PCDHA6: variants seen among roughly 807,000 people sequenced by gnomAD.
PCDHA6 encodes protocadherin alpha-6.
PCDHA6 carries 55 observed loss-of-function variants against 60.3 expected under a neutral mutation model. The ratio of observed to expected loss-of-function variants is 0.91; its 90% CI spans 0.73 to 1.14. The LOEUF is 1.14. Among genes scored for constraint, PCDHA6 ranks in the 50% most tolerant of loss-of-function variants. The pLI, the probability that PCDHA6 is intolerant of heterozygous loss-of-function variation, is 0.00. For synonymous variants in PCDHA6, 652 were observed against 557.9 expected, an observed-to-expected ratio of 1.17 and a Z score of -2.38; for missense variants, 1,327 against 1,256.5, an observed-to-expected ratio of 1.06 and a Z score of -0.85.
At chr5:140,850,480 C>G in intron 1 of PCDHA6, 1 of 1,597,900 alleles carries the variant, frequency 6.3e-7, no homozygotes, top group Non-Finnish European at 8.6e-7. Flanking sequence ...CTGACGGCCA[C>G]GGCCACTGTG....
intron 3 of PCDHA6, among the ~76,000 whole-genome samples, chr5:140,986,055 T>C (rs2097185833): frequency 6.6e-6 from 1 of 152,164 alleles, no homozygotes; most frequent in African/African-American, 2.4e-5. Context: ...ATGAATTCTT[T>C]TGCTTTTTAA....
chr5:140,967,566 G>A, intron 1 of PCDHA6: 2 of 1,614,060 alleles, frequency 1.2e-6, no homozygotes, highest in South Asian at 2.2e-5. Context: ...GTCCAGCTAC[G>A]GGAGGACTCA....
intron 1 of PCDHA6, chr5:140,967,401 G>T (rs374310490): frequency 1.2e-6 from 2 of 1,611,944 alleles, no homozygotes; most frequent in Non-Finnish European, 1.7e-6. Flanking sequence ...CTGGTGCTGC[G>T]TAAGGGCCTA....
chr5:140,917,710 G>T (rs2078316558), intron 1 of PCDHA6, among the ~76,000 whole-genome samples: 3 of 152,132 alleles, frequency 2.0e-5, no homozygotes. Flanking sequence ...TTGTAGGTGT[G>T]CAGCTTTATT....
At chr5:141,002,589 TC>T (rs1157810975) in intron 3 of PCDHA6, among the ~76,000 whole-genome samples, 1 of 152,140 alleles carries the variant, frequency 6.6e-6, no homozygotes, top group African/African-American at 2.4e-5. Context: ...TAGTCCTTAG[TC>T]CCCTCATCTA....
intron 1 of PCDHA6, among the ~76,000 whole-genome samples, chr5:140,959,091 G>A (rs1257984257): frequency 3.3e-5 from 5 of 152,048 alleles, no homozygotes; most frequent in African/African-American, 1.2e-4. Context: ...CTTGGTTTCG[G>A]ACATTCAGCA....
At chr5:140,963,303 G>A (rs2153735006) in intron 1 of PCDHA6, among the ~76,000 whole-genome samples, 1 of 152,286 alleles carries the variant, frequency 6.6e-6, no homozygotes, top group South Asian at 2.1e-4. Flanking sequence ...GAGAAAATAA[G>A]AAGCTGTTTG....
chr5:140,884,158 G>A (rs376345503), intron 1 of PCDHA6: 8 of 1,613,488 alleles, frequency 5.0e-6, no homozygotes, highest in African/African-American at 1.3e-5. Context: ...ACACTGGCGA[G>A]ATCAGCACGA....
In PCDHA6 at chr5:140,951,072, T is replaced by G. The variant is rs551891980; in HGVS notation, c.2395-27877T>G. Among the ~76,000 whole-genome samples the G allele has an allele frequency of 1.1e-4, 16 of 152,184 alleles. No individual in the cohort carries two copies. The South Asian group carries it at 3.1e-3, about 30-fold the overall frequency. ...ATTGCTAAAATTTCCATTGGCTTTCTTATATTTTCCTTTTTTTCTGATAAG... is the reference window on the plus strand; with the variant it reads ...ATTGCTAAAATTTCCATTGGCTTTCGTATATTTTCCTTTTTTTCTGATAAG... On this transcript the variant is annotated intron_variant, in intron 1 of 3. Transcript: ENST00000529310.
intron 1 of PCDHA6, among the ~76,000 whole-genome samples, chr5:140,945,952 G>A (rs2093866662): frequency 6.6e-6 from 1 of 151,910 alleles, no homozygotes; most frequent in African/African-American, 2.4e-5. Context: ...ATATGACCCT[G>A]AAAGCACAGG....
At chr5:140,837,441 C>T (rs1199592642) in intron 1 of PCDHA6, among the ~76,000 whole-genome samples, 4 of 151,714 alleles carry the variant, frequency 2.6e-5, no homozygotes, top group Admixed American at 6.6e-5. Flanking sequence ...AAATCTAGTA[C>T]GTAGTAAAAA....
chr5:140,876,062 G>C, intron 1 of PCDHA6: 1 of 1,613,842 alleles, frequency 6.2e-7, no homozygotes, highest in South Asian at 1.1e-5. Flanking sequence ...TTAGTTCTTC[G>C]GAAGTTATTG....
intron 1 of PCDHA6, among the ~76,000 whole-genome samples, chr5:140,955,553 C>A (rs782183120): frequency 2.6e-5 from 4 of 152,088 alleles, no homozygotes; most frequent in Non-Finnish European, 5.9e-5. Flanking sequence ...TGAGGCCTCC[C>A]CAGCCATACT....
Position 140,828,741 on chromosome 5 carries a change from G to A in PCDHA6, c.650G>A (p.Gly217Glu), listed in dbSNP as rs201515728. 14 of 1,614,102 alleles carry A rather than the reference G, an allele frequency of 8.7e-6. No individual in the cohort carries two copies. Among genetic ancestry groups the A allele is most frequent in the African/African-American group, 1.3e-5 (1 of 74,944 alleles). Reference sequence around the variant, plus strand: ...AACTTATTCCTGACAGCCACAGATGGGGGCAAACCTGAGCTCACAGGCACT... The same window carrying A: ...AACTTATTCCTGACAGCCACAGATGAGGGCAAACCTGAGCTCACAGGCACT... ...AHNLFLTATD[G>E]GKPELTGTVQ... The change falls in exon 1 of 4, where the codon GGG (glycine) becomes GAG (glutamate). Residue 217 changes from glycine to glutamate, a missense_variant. Gly to Glu is a moderately conservative substitution (Grantham distance 98, BLOSUM62 -2). Coordinates refer to ENST00000529310, the MANE Select transcript of PCDHA6 (RefSeq NM_018909.4).
chr5:140,911,827 A>C (rs2075655305), intron 1 of PCDHA6, among the ~76,000 whole-genome samples: 1 of 152,162 alleles, frequency 6.6e-6, no homozygotes, highest in African/African-American at 2.4e-5. Context: ...GAAACCCCAA[A>C]ACCAATGAAA....
intron 1 of PCDHA6, chr5:140,856,717 A>T: frequency 6.3e-7 from 1 of 1,596,480 alleles, no homozygotes; most frequent in Non-Finnish European, 8.6e-7. Flanking sequence ...AATTTACCGG[A>T]TCTGTTTCTC....
chr5:140,900,062 A>C (rs1221394657), intron 1 of PCDHA6, among the ~76,000 whole-genome samples: 1 of 152,138 alleles, frequency 6.6e-6, no homozygotes, highest in Non-Finnish European at 1.5e-5. Flanking sequence ...CTTTAACCTC[A>C]GCCTCCAAAA....
chr5:140,984,138 G>A (rs1476039645), intron 3 of PCDHA6, among the ~76,000 whole-genome samples: 1 of 152,194 alleles, frequency 6.6e-6, no homozygotes, highest in East Asian at 1.9e-4. Flanking sequence ...GGATGTGGAG[G>A]CATCTGGGAA....
At chr5:140,969,069 T>C in intron 1 of PCDHA6, 1 of 1,614,160 alleles carries the variant, frequency 6.2e-7, no homozygotes, top group Non-Finnish European at 8.5e-7. Context: ...GATGCCAGGA[T>C]ACCGCATGGC....
Sources: gnomAD v4.1 joint callset for allele counts (sites outside exome capture counted in the v4.1 genomes callset) on GRCh38, gnomAD v4.1.1 for gene constraint, MANE v1.5 for transcripts, NCBI Gene and HGNC (gene_info 2026-07-23, HGNC 2026-07-21) for gene names.